Variants in RAD50 observed in about 807,000 individuals in gnomAD.
RAD50 encodes DNA repair protein RAD50.
Under a neutral mutation model 168.8 loss-of-function variants are expected in RAD50, and 132 were observed. The observed-to-expected ratio is 0.78, with a 90% CI of 0.68 to 0.90. The LOEUF (loss-of-function observed/expected upper bound fraction) is 0.90, where lower values mean the gene tolerates loss of function less well. Among genes scored for constraint, RAD50 ranks in the 40% least tolerant of loss-of-function variants. The probability of loss-of-function intolerance (pLI) is 0.00; values close to 1 mark genes in which losing one functional copy is unlikely to be tolerated. For synonymous variants in RAD50, 525 were observed against 497.4 expected (o/e 1.06, Z -0.74); for missense variants, 1,347 against 1,534.4 (o/e 0.88, Z 2.04).
At chr5:132,584,339 C>T (rs1177417037) in intron 5 of RAD50, among the ~76,000 whole-genome samples, 1 of 152,142 alleles carries the variant, frequency 6.6e-6, no homozygotes, top group Non-Finnish European at 1.5e-5. Flanking sequence ...ATCCTTCACC[C>T]ACTTTTTGAT....
rs786202914 is a variant in RAD50, at chr5:132,591,954, C to G, written c.1713C>G (p.Pro571=). 6.2e-7 allele frequency: 1 copy of G among 1,610,696 alleles called. No individual in the cohort carries two copies. The highest frequency in any genetic ancestry group is 8.5e-7 in the Non-Finnish European group (1 of 1,177,564). The change falls in exon 11 of 25, where the codon CCC becomes CCG. Residue 571 remains proline (P), a synonymous_variant. Transcript: ENST00000378823. ...DELTSLLGYF[P]NKKQLEDWLH... is the part of the protein sequence containing the mutation. ...TAACCTCACTGTTGGGATATTTTCCCAACAAAAAACAGCTTGAAGACTGGC... is the reference window on the plus strand; with the variant it reads ...TAACCTCACTGTTGGGATATTTTCCGAACAAAAAACAGCTTGAAGACTGGC...
intron 13 of RAD50, 81 bp downstream of exon 13, chr5:132,595,891 T>C: frequency 7.7e-7 from 1 of 1,306,476 alleles, no homozygotes; most frequent in Non-Finnish European, 1.1e-6. Flanking sequence ...CAGATGGTAG[T>C]TACTCAGTAA....
intron 19 of RAD50, among the ~76,000 whole-genome samples, chr5:132,614,824 TAAAAAA>T (rs1286336963): frequency 6.6e-6 from 1 of 151,500 alleles, no homozygotes; most frequent in Admixed American, 6.6e-5. Context: ...TTGTGACTGT[TAAAAAA>T]GAAAAAAAAA....
At chr5:132,589,345 TCAGTA>T (rs1750655246) in intron 8 of RAD50, among the ~76,000 whole-genome samples, 4 of 152,304 alleles carry the variant, frequency 2.6e-5, no homozygotes, top group Admixed American at 2.6e-4. Flanking sequence ...GCCAAAGTAT[TCAGTA>T]CAGTAATATG....
chr5:132,596,145 C>T (rs1750788762), intron 13 of RAD50, among the ~76,000 whole-genome samples: 1 of 152,048 alleles, frequency 6.6e-6, no homozygotes, highest in Non-Finnish European at 1.5e-5. Context: ...AGGCATGTAC[C>T]ACCACGCCCA....
In RAD50 at chr5:132,603,453, A is replaced by G. The variant is rs147084913; in HGVS notation, c.2361A>G (p.Val787=). Residue 787 remains valine, a synonymous_variant, in exon 14 of 25, where the codon GTA becomes GTG. Coordinates refer to ENST00000378823, the MANE Select transcript of RAD50 (RefSeq NM_005732.4). The part of the protein sequence containing the change: ...TIMPEEESAK[V]CLTDVTIMER... Reference sequence around the variant, plus strand: ...TGCCTGAAGAAGAAAGTGCCAAAGTATGCCTGACAGATGTTACAATTATGG... The same window carrying G: ...TGCCTGAAGAAGAAAGTGCCAAAGTGTGCCTGACAGATGTTACAATTATGG... 2 of 1,614,010 alleles carry G rather than the reference A, an allele frequency of 1.2e-6. No homozygotes were observed. Among genetic ancestry groups the G allele is most frequent in the Non-Finnish European group, 1.7e-6 (2 of 1,179,920 alleles).
intron 13 of RAD50, among the ~76,000 whole-genome samples, chr5:132,599,116 T>C (rs1309989883): frequency 6.6e-6 from 1 of 152,228 alleles, no homozygotes; most frequent in African/African-American, 2.4e-5. Context: ...TGATTGCTTG[T>C]AACAAACCCC....
intron 21 of RAD50, among the ~76,000 whole-genome samples, chr5:132,620,555 T>TC (rs1751268498): frequency 6.6e-6 from 1 of 152,218 alleles, no homozygotes; most frequent in Non-Finnish European, 1.5e-5. Context: ...GATTACTCAA[T>TC]TGAGTTGGAT....
intron 3 of RAD50, among the ~76,000 whole-genome samples, chr5:132,577,156 C>G (rs1750414450): frequency 6.6e-6 from 1 of 152,156 alleles, no homozygotes. Context: ...TTTCCTTGTT[C>G]TTTCCGTCTT....
intron 5 of RAD50, among the ~76,000 whole-genome samples, chr5:132,586,294 A>G (rs1337548888): frequency 6.6e-6 from 1 of 152,162 alleles, no homozygotes; most frequent in African/African-American, 2.4e-5. Context: ...TAACTATACA[A>G]TTTTGTACAA....
Position 132,642,444 on chromosome 5 carries a change from TAGTC to T in RAD50, c.*82_*85del, listed in dbSNP as rs1178019833. The stretch of plus-strand genomic sequence containing the variant: ...AAGAAACTTATTTCTCATATCAACT[TAGTC>T]AATAAGAAAATATATTCTTTCAAAG... On this transcript the variant is annotated 3_prime_UTR_variant, in exon 25 of 25. Coordinates refer to ENST00000378823, the MANE Select transcript of RAD50 (RefSeq NM_005732.4). 3.2e-5 allele frequency: 40 copies of T among 1,258,538 alleles called. No homozygotes were observed. Among genetic ancestry groups the T allele is most frequent in the Non-Finnish European group, 3.7e-5 (33 of 884,574 alleles). The allele number at this position is 1,258,538 out of a possible 1,614,324, so 78.0% of individuals were successfully genotyped here.
chr5:132,621,557 G>A (rs1027602739), intron 21 of RAD50, among the ~76,000 whole-genome samples: 5 of 151,988 alleles, frequency 3.3e-5, no homozygotes, highest in African/African-American at 9.7e-5. Context: ...TTCTTCAATA[G>A]TTTTTTCAGT....
chr5:132,558,529 G>A (rs1392804351), intron 1 of RAD50, among the ~76,000 whole-genome samples: 1 of 151,766 alleles, frequency 6.6e-6, no homozygotes, highest in East Asian at 1.9e-4. Flanking sequence ...TGGCCAACGT[G>A]GCGAAACCCC....
At chr5:132,587,868 G>C (rs1224605845) in intron 6 of RAD50, 56 bp from the exon 7 acceptor site, 1 of 1,576,994 alleles carries the variant, frequency 6.3e-7, no homozygotes, top group African/African-American at 1.4e-5. Flanking sequence ...ATACCTCAAA[G>C]TGATCATATT....
In RAD50 at chr5:132,614,921, C is replaced by T. The variant is rs552762761; in HGVS notation, c.3037-1082C>T. Among the ~76,000 whole-genome samples the T allele has an allele frequency of 2.0e-5, 3 of 152,128 alleles. No individual in the cohort carries two copies. In the South Asian group the frequency reaches 6.2e-4, roughly 32 times the overall value. On this transcript the variant is annotated intron_variant, in intron 19 of 24. Transcript: ENST00000378823. ...TGAGAGAAATCCTTGATTTCCCTCT[C>T]TCATCTACCAGTCCCTGGCCTTTAC...
chr5:132,615,679 A>G (rs1166356176), intron 19 of RAD50, among the ~76,000 whole-genome samples: 1 of 152,204 alleles, frequency 6.6e-6, no homozygotes, highest in Non-Finnish European at 1.5e-5. Context: ...TTAATACTTT[A>G]TAAGTAAATA....
At chr5:132,565,712 T>A (rs1046775350) in intron 2 of RAD50, among the ~76,000 whole-genome samples, 1 of 152,176 alleles carries the variant, frequency 6.6e-6, no homozygotes, top group East Asian at 1.9e-4. Context: ...ATGATCTGAC[T>A]TCCCCCTAGC....
intron 9 of RAD50, among the ~76,000 whole-genome samples, chr5:132,590,949 A>C (rs1342287700): frequency 6.6e-6 from 1 of 152,210 alleles, no homozygotes; most frequent in Non-Finnish European, 1.5e-5. Flanking sequence ...ACTTAGACAC[A>C]TGTCTCCTAA....
chr5:132,580,888 T>A (rs532074859), intron 5 of RAD50, among the ~76,000 whole-genome samples: 380 of 152,254 alleles, frequency 2.5e-3, no homozygotes, highest in African/African-American at 8.5e-3. Flanking sequence ...CATTAAAAAA[T>A]TTATTGATTT....
Sources: allele counts gnomAD v4.1 joint callset (sites outside exome capture counted in the v4.1 genomes callset), GRCh38; gene constraint gnomAD v4.1.1; transcripts MANE v1.5; gene names NCBI Gene and HGNC (gene_info 2026-07-23, HGNC 2026-07-21).